OTOGL: variants seen among roughly 807,000 people sequenced by gnomAD.
OTOGL encodes otogelin-like protein.
In OTOGL, 285 loss-of-function variants were observed where a neutral mutation model predicts 318.5. The ratio of observed to expected loss-of-function variants is 0.89; its 90% confidence interval spans 0.81 to 0.99. OTOGL has a LOEUF of 0.99. Among genes scored for constraint, OTOGL ranks in the 50% least tolerant of loss-of-function variants. The pLI is 0.00. For missense variants in OTOGL, 2,899 were observed against 2,845.6 expected, an observed-to-expected ratio of 1.02 and a Z score of -0.43; for synonymous variants, 987 against 936.5, an observed-to-expected ratio of 1.05 and a Z score of -0.99.
chr12:80,339,355 GC>G, intron 43 of OTOGL, 91 bp downstream of exon 43: 1 of 1,032,896 alleles, frequency 9.7e-7, no homozygotes, highest in Non-Finnish European at 1.3e-6. Context: ...GGACCCTGTT[GC>G]CCCATTTTTC....
chr12:80,224,889 A>G (rs1878685319), intron 7 of OTOGL, among the ~76,000 whole-genome samples: 1 of 152,056 alleles, frequency 6.6e-6, no homozygotes, highest in Non-Finnish European at 1.5e-5. Context: ...AAATAACTTA[A>G]AAAGTGTAAT....
intron 26 of OTOGL, among the ~76,000 whole-genome samples, chr12:80,281,533 C>T (rs958420790): frequency 9.9e-5 from 15 of 151,948 alleles, no homozygotes; most frequent in African/African-American, 3.4e-4. Flanking sequence ...ACTGTCATTC[C>T]AGGAATAAAG....
chr12:80,293,296 C>T (rs981612271), intron 26 of OTOGL, among the ~76,000 whole-genome samples: 1 of 152,134 alleles, frequency 6.6e-6, no homozygotes, highest in Admixed American at 6.5e-5. Flanking sequence ...CAAATTTTAC[C>T]TTTGCATTGT....
chr12:80,226,128 G>A (rs944430246), intron 7 of OTOGL, among the ~76,000 whole-genome samples: 33 of 147,762 alleles, frequency 2.2e-4, no homozygotes, highest in Non-Finnish European at 1.0e-4. Flanking sequence ...TTCACTTCCT[G>A]TTACGGAAAA....
intron 8 of OTOGL, among the ~76,000 whole-genome samples, chr12:80,229,896 G>A (rs569590014): frequency 4.7e-4 from 72 of 151,968 alleles, no homozygotes; most frequent in East Asian, 1.5e-3. Context: ...GCCTGGCCTC[G>A]AATAGATCAG....
Position 80,257,906 on chromosome 12 carries a change from A to G in OTOGL, c.1793A>G (p.Asp598Gly), listed in dbSNP as rs1441624628. 1 of 1,597,812 alleles carries G rather than the reference A, an allele frequency of 6.3e-7. No homozygotes were observed. The highest frequency in any genetic ancestry group is 8.5e-7 in the Non-Finnish European group (1 of 1,178,854). The part of the protein sequence containing the change: ...TFGLKILFAI[D>G]GERIYIQLTS... ...GGTTTAAAGATTCTGTTTGCTATAG[A>G]TGGGGAAAGAATTTATATTCAGCTT... The change falls in exon 18 of 59, where the codon GAT becomes GGT. Residue 598 changes from aspartate to glycine, a missense_variant. Asp to Gly is a moderately conservative substitution (Grantham distance 94). Coordinates refer to ENST00000547103, the MANE Select transcript of OTOGL (RefSeq NM_001378609.3).
intron 1 of OTOGL, among the ~76,000 whole-genome samples, chr12:80,139,358 A>G (rs907117599): frequency 6.6e-6 from 1 of 152,216 alleles, no homozygotes; most frequent in African/African-American, 2.4e-5. Context: ...AAATAAGTCA[A>G]TATGAATTTT....
chr12:80,205,438 C>G (rs1423046946), intron 1 of OTOGL, among the ~76,000 whole-genome samples: 1 of 152,178 alleles, frequency 6.6e-6, no homozygotes, highest in Admixed American at 6.5e-5. Context: ...ATGACCAACA[C>G]AGATACTGCT....
rs556083280 is a variant in OTOGL, at chr12:80,184,116, T to C, written c.-19-25297T>C. 3.9e-5 allele frequency among the ~76,000 whole-genome samples: 6 copies of C among 152,306 alleles called. No homozygotes were observed. In the South Asian group the frequency reaches 1.0e-3, roughly 26 times the overall value. ...ATGTTTAAACTAGGAATGGAAAATA[T>C]GTAGCATGTGGCCTTGCATTTCCGT... On this transcript the variant is annotated intron_variant, in intron 1 of 58. Coordinates refer to ENST00000547103, the MANE Select transcript of OTOGL (RefSeq NM_001378609.3).
chr12:80,103,449 T>TG (rs1869266179), intron 1 of OTOGL: 4 of 605,984 alleles, frequency 6.6e-6, no homozygotes, highest in Non-Finnish European at 1.2e-5. Flanking sequence ...TTGTCCCTTC[T>TG]CTTCCCATAG....
chr12:80,257,874 C>G lies in OTOGL; in HGVS notation c.1761C>G (p.Thr587=), dbSNP rs1592619091. 3 of 1,592,800 alleles carry G rather than the reference C, an allele frequency of 1.9e-6. No homozygotes were observed. Among genetic ancestry groups the G allele is most frequent in the East Asian group, 2.2e-5 (1 of 44,802 alleles). Residue 587 remains threonine, a synonymous_variant, in exon 18 of 59, where the codon ACC becomes ACG. Transcript: ENST00000547103. ...TLSSLFILLK[T]TFGLKILFAI... ...CATCCTTATTTATACTTCTAAAAAC[C>G]ACATTTGGTTTAAAGATTCTGTTTG... is the stretch of plus-strand genomic sequence containing the variant.
chr12:80,166,930 A>G (rs1873868871), intron 1 of OTOGL, among the ~76,000 whole-genome samples: 1 of 152,176 alleles, frequency 6.6e-6, no homozygotes, highest in African/African-American at 2.4e-5. Flanking sequence ...CTCCTCAGAG[A>G]AGAAATATTT....
intron 1 of OTOGL, among the ~76,000 whole-genome samples, chr12:80,193,690 G>A (rs926807692): frequency 3.3e-5 from 5 of 152,160 alleles, no homozygotes; most frequent in Admixed American, 3.3e-4. Flanking sequence ...TTGGAGGCTT[G>A]CGGTACATGT....
At chr12:80,267,099 C>T (rs529896119) in intron 21 of OTOGL, among the ~76,000 whole-genome samples, 154 bp from the exon 22 acceptor site, 3 of 152,000 alleles carry the variant, frequency 2.0e-5, no homozygotes, top group African/African-American at 7.2e-5. Flanking sequence ...GCAGCTTTTG[C>T]CATTTGTGTA....
chr12:80,233,147 C>T (rs1295640538), intron 9 of OTOGL, 50 bp downstream of exon 9: 1 of 1,462,130 alleles, frequency 6.8e-7, no homozygotes, highest in Admixed American at 2.1e-5. Flanking sequence ...CCTTCTTCTT[C>T]CCCTGACCAA....
chr12:80,159,675 C>T (rs1194369615), intron 1 of OTOGL, among the ~76,000 whole-genome samples: 2 of 152,020 alleles, frequency 1.3e-5, no homozygotes, highest in Non-Finnish European at 2.9e-5. Context: ...ACCGTACTAC[C>T]AAAAGCAATC....
chr12:80,150,554 T>C (rs1872723567), intron 1 of OTOGL, among the ~76,000 whole-genome samples: 1 of 152,126 alleles, frequency 6.6e-6, no homozygotes. Context: ...TGAACAAATC[T>C]ACAATTACTG....
chr12:80,291,659 A>C (rs890655113), intron 26 of OTOGL, among the ~76,000 whole-genome samples: 2 of 152,226 alleles, frequency 1.3e-5, no homozygotes, highest in African/African-American at 4.8e-5. Flanking sequence ...GGTCAGCTCT[A>C]TAATGTCAAC....
At chr12:80,186,583 T>G (rs1875307161) in intron 1 of OTOGL, among the ~76,000 whole-genome samples, 1 of 152,158 alleles carries the variant, frequency 6.6e-6, no homozygotes, top group Non-Finnish European at 1.5e-5. Context: ...AATAAATGCC[T>G]AATCGTCAAG....
Sources: allele counts gnomAD v4.1 joint callset (sites outside exome capture counted in the v4.1 genomes callset), GRCh38; gene constraint gnomAD v4.1.1; transcripts MANE v1.5; gene names NCBI Gene and HGNC (gene_info 2026-07-23, HGNC 2026-07-21).